Variants in PPP1R1C observed in about 807,000 individuals in gnomAD.
PPP1R1C encodes the protein protein phosphatase 1 regulatory inhibitor subunit 1C.
A neutral mutation model predicts 17.4 loss-of-function variants in PPP1R1C; 15 were observed. The observed-to-expected ratio is 0.86, with a 90% CI of 0.58 to 1.33. PPP1R1C has a LOEUF of 1.33. Ranked by LOEUF, PPP1R1C falls within the 40% of genes most tolerant of loss-of-function variation. PPP1R1C has a pLI of 0.00. For missense variants in PPP1R1C, 143 were observed against 130.0 expected, an observed-to-expected ratio of 1.10 and a Z score of -0.48; for synonymous variants, 35 against 43.1, an observed-to-expected ratio of 0.81 and a Z score of 0.73.
chr2:182,002,930 T>A lies in PPP1R1C; in HGVS notation c.142+15031T>A, dbSNP rs36013128. On this transcript the variant is annotated intron_variant, in intron 2 of 4. Coordinates refer to ENST00000682840, the MANE Select transcript of PPP1R1C (RefSeq NM_001080545.3). ...ACCACCAAGAGTGATGCCATAAACC[T>A]CCCCCCCCCCACAACCCTGAAATCC... Among the ~76,000 whole-genome samples the A allele has an allele frequency of 1.9e-4, 14 of 74,672 alleles. 1 individual carries two copies. The highest frequency in any genetic ancestry group is 8.8e-4 in the Admixed American group (6 of 6,834). The allele number at this position is 74,672 out of a possible 152,430, so 49.0% of individuals were successfully genotyped here. A position where few individuals can be genotyped will look rare whatever the true frequency, so the allele number is the denominator to read the frequency against.
chr2:182,044,847 G>A (rs963736928), intron 2 of PPP1R1C, among the ~76,000 whole-genome samples: 3 of 152,124 alleles, frequency 2.0e-5, no homozygotes, highest in Admixed American at 6.5e-5. Context: ...TATCATAGGC[G>A]TTAATCTACA....
At chr2:181,959,550 G>C (rs1483505035) in intron 1 of PPP1R1C, among the ~76,000 whole-genome samples, 3 of 152,002 alleles carry the variant, frequency 2.0e-5, no homozygotes, top group Non-Finnish European at 4.4e-5. Context: ...GAACTTTCTA[G>C]CTCCAATTTA....
intron 2 of PPP1R1C, among the ~76,000 whole-genome samples, chr2:182,051,981 C>T (rs535174005): frequency 2.8e-4 from 42 of 149,884 alleles, no homozygotes; most frequent in East Asian, 7.9e-4. Context: ...CCAGCCTGGG[C>T]GACACAGTGA....
intron 4 of PPP1R1C, among the ~76,000 whole-genome samples, chr2:182,100,791 A>G (rs1174961942): frequency 6.6e-6 from 1 of 152,200 alleles, no homozygotes; most frequent in Non-Finnish European, 1.5e-5. Context: ...AGCGGTCATC[A>G]GGAGCAAACA....
At chr2:181,977,633 G>T (rs1685116931) in intron 2 of PPP1R1C, among the ~76,000 whole-genome samples, 2 of 152,024 alleles carry the variant, frequency 1.3e-5, no homozygotes, top group South Asian at 4.1e-4. Context: ...TGCCTAACAG[G>T]ACACTTTAAA....
At chr2:181,990,725 ACTCT>A (rs1336781378) in intron 2 of PPP1R1C, among the ~76,000 whole-genome samples, 1 of 152,176 alleles carries the variant, frequency 6.6e-6, no homozygotes, top group Non-Finnish European at 1.5e-5. Flanking sequence ...TTATTTGAAC[ACTCT>A]CTATCAAACA....
chr2:182,086,202 G>C (rs1688623984), intron 4 of PPP1R1C, among the ~76,000 whole-genome samples: 1 of 152,042 alleles, frequency 6.6e-6, no homozygotes, highest in South Asian at 2.1e-4. Context: ...ATTATATCAA[G>C]AGCTGTCACA....
At chr2:182,012,330 A>G (rs1372301950) in intron 2 of PPP1R1C, among the ~76,000 whole-genome samples, 1 of 151,960 alleles carries the variant, frequency 6.6e-6, no homozygotes. Context: ...TCCCCTTGCT[A>G]AACTGACCCC....
At chr2:182,049,929 C>A (rs1389022949) in intron 2 of PPP1R1C, among the ~76,000 whole-genome samples, 1 of 152,182 alleles carries the variant, frequency 6.6e-6, no homozygotes, top group East Asian at 1.9e-4. Flanking sequence ...AATTTTATCA[C>A]TCTAGTATTA....
At chr2:182,108,398 T>TC (rs1224562282) in intron 4 of PPP1R1C, among the ~76,000 whole-genome samples, 1 of 152,120 alleles carries the variant, frequency 6.6e-6, no homozygotes, top group African/African-American at 2.4e-5. Context: ...CTTTGCACTC[T>TC]TAATGTTGGA....
intron 2 of PPP1R1C, among the ~76,000 whole-genome samples, chr2:181,994,535 T>C (rs1452852530): frequency 2.6e-5 from 4 of 152,188 alleles, no homozygotes; most frequent in Non-Finnish European, 5.9e-5. Flanking sequence ...TTTCACGAAT[T>C]TCTCTTATTT....
chr2:181,981,516 T>C (rs1685194024), upstream of PPP1R1C, among the ~76,000 whole-genome samples: 1 of 152,196 alleles, frequency 6.6e-6, no homozygotes, highest in African/African-American at 2.4e-5. Flanking sequence ...TTAATTTAAA[T>C]GAGCACTTGG....
At chr2:182,101,382 C>T (rs545471991) in intron 4 of PPP1R1C, among the ~76,000 whole-genome samples, 1 of 152,294 alleles carries the variant, frequency 6.6e-6, no homozygotes, top group African/African-American at 2.4e-5. Flanking sequence ...ATTTCAATGT[C>T]ACCAAATATC....
chr2:181,978,804 G>C (rs1685143019), intron 2 of PPP1R1C, among the ~76,000 whole-genome samples: 1 of 152,128 alleles, frequency 6.6e-6, no homozygotes, highest in Admixed American at 6.5e-5. Flanking sequence ...TGGGAGAATA[G>C]TAAGGGCCAT....
chr2:181,984,092 T>C (rs192279152), upstream of PPP1R1C, among the ~76,000 whole-genome samples: 1 of 152,228 alleles, frequency 6.6e-6, no homozygotes, highest in Non-Finnish European at 1.5e-5. Context: ...TAGATATTCT[T>C]AGTGATTCTG....
At chr2:181,991,317 T>C (rs190278327) in intron 2 of PPP1R1C, among the ~76,000 whole-genome samples, 1 of 152,330 alleles carries the variant, frequency 6.6e-6, no homozygotes, top group African/African-American at 2.4e-5. Context: ...AGTTGTATTC[T>C]AGGGGCAGCA....
chr2:182,069,136 T>C (rs1248771642), intron 4 of PPP1R1C, among the ~76,000 whole-genome samples: 2 of 152,186 alleles, frequency 1.3e-5, no homozygotes, highest in Admixed American at 1.3e-4. Context: ...CATTTTCCTT[T>C]CTAAATCTTG....
At chr2:182,106,316 A>G (rs913459982) in intron 4 of PPP1R1C, among the ~76,000 whole-genome samples, 3 of 152,290 alleles carry the variant, frequency 2.0e-5, no homozygotes, top group African/African-American at 4.8e-5. Context: ...TCTTGTGCCT[A>G]TAAGAACCCT....
chr2:181,963,351 G>A (rs1340401717), intron 1 of PPP1R1C, among the ~76,000 whole-genome samples: 5 of 152,030 alleles, frequency 3.3e-5, no homozygotes, highest in Non-Finnish European at 7.4e-5. Flanking sequence ...TATGAAATTC[G>A]AAAAGTTGGC....
Sources: gnomAD v4.1 joint callset for allele counts (sites outside exome capture counted in the v4.1 genomes callset) on GRCh38, gnomAD v4.1.1 for gene constraint, MANE v1.5 for transcripts, NCBI Gene and HGNC (gene_info 2026-07-23, HGNC 2026-07-21) for gene names.